The following ST3GAL3 variants were observed in gnomAD, a reference collection of about 807,000 sequenced individuals.
The protein encoded by ST3GAL3 is CMP-N-acetylneuraminate-beta-1,4-galactoside alpha-2,3-sialyltransferase.
A neutral mutation model predicts 50.1 loss-of-function variants in ST3GAL3; 21 were observed. The ratio of observed to expected loss-of-function variants is 0.42; its 90% confidence interval spans 0.30 to 0.60. The LOEUF (loss-of-function observed/expected upper bound fraction) is 0.60. Ranked by LOEUF, ST3GAL3 falls within the 20% of genes least tolerant of loss-of-function variation. The pLI is 0.19. For synonymous variants in ST3GAL3, 183 were observed against 190.0 expected (o/e 0.96, Z 0.30); for missense variants, 353 against 489.4 (o/e 0.72, Z 2.63).
At chr1:43,844,766 G>T (rs528168854) in intron 5 of ST3GAL3, among the ~76,000 whole-genome samples, 8 of 151,918 alleles carry the variant, frequency 5.3e-5, no homozygotes, top group Admixed American at 3.3e-4. Flanking sequence ...GGCAGAGCTT[G>T]CAGTGAGCCA....
chr1:43,768,948 GA>G (rs1198626569), intron 2 of ST3GAL3, among the ~76,000 whole-genome samples: 1 of 151,986 alleles, frequency 6.6e-6, no homozygotes, highest in Non-Finnish European at 1.5e-5. Context: ...ACAAACTCAA[GA>G]AAGGAAGATT....
At position 43,879,318 on chromosome 1, in the gene ST3GAL3, C is replaced by CT. The variant is rs749241072; in HGVS notation, c.303-15057dup. 3.4e-4 allele frequency: 156 copies of CT among 455,740 alleles called. 1 individual carries two copies. Among genetic ancestry groups the CT allele is most frequent in the African/African-American group, 2.7e-3 (135 of 50,048 alleles). The allele number at this position is 455,740 out of a possible 1,614,324, so 28.2% of individuals were successfully genotyped here. On this transcript the variant is annotated intron_variant, in intron 5 of 11. Coordinates refer to ENST00000347631, the MANE Select transcript of ST3GAL3 (RefSeq NM_006279.5). ...TTGGGCCCTTTAACCTGTGGTTTGGCTTTTTTTTGGAGACAGTGAGAAGGT... is the reference window on the plus strand; with the variant it reads ...TTGGGCCCTTTAACCTGTGGTTTGGCTTTTTTTTTGGAGACAGTGAGAAGGT...
chr1:43,886,094 A>C (rs921393367), intron 5 of ST3GAL3, among the ~76,000 whole-genome samples: 1 of 152,228 alleles, frequency 6.6e-6, no homozygotes, highest in Non-Finnish European at 1.5e-5. Flanking sequence ...GAAATGATAA[A>C]TGTTGGCCGG....
At chr1:43,881,547 C>G (rs898466484) in intron 5 of ST3GAL3, among the ~76,000 whole-genome samples, 1 of 152,158 alleles carries the variant, frequency 6.6e-6, no homozygotes, top group Admixed American at 6.5e-5. Flanking sequence ...TTCCCCACTT[C>G]CCTCCCTCCT....
At chr1:43,730,368 T>C (rs1675074126) in intron 1 of ST3GAL3, among the ~76,000 whole-genome samples, 1 of 152,094 alleles carries the variant, frequency 6.6e-6, no homozygotes, top group Non-Finnish European at 1.5e-5. Flanking sequence ...AGAGGGGTGG[T>C]GCCAGCCACT....
intron 2 of ST3GAL3, among the ~76,000 whole-genome samples, chr1:43,767,382 AG>A (rs918443327): frequency 6.6e-6 from 1 of 152,114 alleles, no homozygotes; most frequent in Middle Eastern, 3.2e-3. Context: ...GTAATGAGTC[AG>A]GTCACAAAGG....
intron 2 of ST3GAL3, among the ~76,000 whole-genome samples, chr1:43,782,803 C>T (rs985101102): frequency 6.6e-5 from 10 of 152,112 alleles, no homozygotes; most frequent in Admixed American, 6.5e-5. Context: ...GAACTTGAAA[C>T]ATCTTTAAAC....
chr1:43,747,733 A>G (rs1287783915), intron 2 of ST3GAL3, among the ~76,000 whole-genome samples: 1 of 150,916 alleles, frequency 6.6e-6, no homozygotes, highest in Non-Finnish European at 1.5e-5. Flanking sequence ...GGCGCCCACC[A>G]CCACCTCTGG....
At chr1:43,926,960 C>T (rs2084083377) in intron 11 of ST3GAL3, among the ~76,000 whole-genome samples, 1 of 152,162 alleles carries the variant, frequency 6.6e-6, no homozygotes, top group African/African-American at 2.4e-5. Context: ...AACATTGTTC[C>T]ATCTCTTCTT....
At chr1:43,760,322 C>T (rs893162861) in intron 2 of ST3GAL3, among the ~76,000 whole-genome samples, 1 of 152,174 alleles carries the variant, frequency 6.6e-6, no homozygotes, top group African/African-American at 2.4e-5. Context: ...TTGTCTGATA[C>T]AGTCAGTAGA....
intron 6 of ST3GAL3, among the ~76,000 whole-genome samples, chr1:43,897,452 T>G (rs1426379349): frequency 6.6e-6 from 1 of 152,202 alleles, no homozygotes; most frequent in Non-Finnish European, 1.5e-5. Flanking sequence ...AGTATTTGAC[T>G]CCAAAGCCAA....
intron 4 of ST3GAL3, among the ~76,000 whole-genome samples, chr1:43,834,598 C>G (rs983133817): frequency 6.6e-6 from 1 of 152,190 alleles, no homozygotes; most frequent in African/African-American, 2.4e-5. Context: ...CTCTCCTGCT[C>G]TTTCAGCCTC....
intron 5 of ST3GAL3, among the ~76,000 whole-genome samples, chr1:43,861,429 G>T (rs1200624533): frequency 3.3e-5 from 2 of 61,366 alleles, no homozygotes; most frequent in Non-Finnish European, 5.1e-5. Flanking sequence ...ATGTCTTGGT[G>T]TGGAGCTGTC....
At chr1:43,873,732 C>T (rs897770060) in intron 5 of ST3GAL3, among the ~76,000 whole-genome samples, 1 of 151,940 alleles carries the variant, frequency 6.6e-6, no homozygotes, top group South Asian at 2.1e-4. Flanking sequence ...TTGCATGTAA[C>T]GTGAACCAAG....
At chr1:43,911,407 C>T (rs576275849) in intron 9 of ST3GAL3, among the ~76,000 whole-genome samples, 1 of 150,104 alleles carries the variant, frequency 6.7e-6, no homozygotes, top group African/African-American at 2.5e-5. Flanking sequence ...GTGGGCCAGA[C>T]CACCATGGTC....
chr1:43,784,976 A>G (rs1292528868), intron 2 of ST3GAL3, among the ~76,000 whole-genome samples: 2 of 152,018 alleles, frequency 1.3e-5, no homozygotes, highest in Admixed American at 1.3e-4. Flanking sequence ...TCTTGTCCAT[A>G]TTATCACATC....
intron 9 of ST3GAL3, among the ~76,000 whole-genome samples, chr1:43,909,497 C>T (rs2080418387): frequency 6.6e-6 from 1 of 152,212 alleles, no homozygotes; most frequent in Non-Finnish European, 1.5e-5. Context: ...TTTTGTTCAT[C>T]GCTTTTTTCC....
rs554852156 is a variant in ST3GAL3, at chr1:43,709,222, A to G, written c.-31+1529A>G. 1.7e-3 allele frequency among the ~76,000 whole-genome samples: 258 copies of G among 152,284 alleles called. 3 individuals carry two copies. The highest frequency in any genetic ancestry group is 0.011 in the South Asian group (51 of 4,826). ...GGTTCCAGGGGGTTTCTTAGCAGAAAAAGCAGGATATGAGGTTGCACAAAA... is the reference window on the plus strand; with the variant it reads ...GGTTCCAGGGGGTTTCTTAGCAGAAGAAGCAGGATATGAGGTTGCACAAAA... On this transcript the variant is annotated intron_variant, in intron 1 of 11. Transcript: ENST00000347631.
intron 2 of ST3GAL3, among the ~76,000 whole-genome samples, chr1:43,749,882 A>G (rs1432608640): frequency 6.6e-6 from 1 of 152,194 alleles, no homozygotes; most frequent in Non-Finnish European, 1.5e-5. Context: ...ATGAGGACAC[A>G]GTGTTTTTCC....
Sources: allele counts gnomAD v4.1 joint callset (sites outside exome capture counted in the v4.1 genomes callset), GRCh38; gene constraint gnomAD v4.1.1; transcripts MANE v1.5; gene names NCBI Gene and HGNC (gene_info 2026-07-23, HGNC 2026-07-21).